The following PPME1 variants were observed in gnomAD, a reference collection of about 807,000 sequenced individuals.
PPME1 encodes protein phosphatase methylesterase 1.
A neutral mutation model predicts 56.9 loss-of-function variants in PPME1; 17 were observed. The ratio of observed to expected loss-of-function variants is 0.30; its 90% CI spans 0.20 to 0.45. The LOEUF (loss-of-function observed/expected upper bound fraction) is 0.45, where lower values mean the gene tolerates loss of function less well. Ranked by LOEUF, PPME1 falls within the 20% of genes least tolerant of loss-of-function variation. The pLI, the probability that PPME1 is intolerant of heterozygous loss-of-function variation, is 1.00. For missense variants in PPME1, 357 were observed against 483.2 expected, an observed-to-expected ratio of 0.74 and a Z score of 2.45; for synonymous variants, 122 against 156.2, an observed-to-expected ratio of 0.78 and a Z score of 1.63.
intron 12 of PPME1, 67 bp from the exon 13 acceptor site, chr11:74,251,581 C>T: frequency 1.3e-6 from 2 of 1,582,850 alleles, no homozygotes; most frequent in Non-Finnish European, 1.7e-6. Context: ...CTAACAGTAG[C>T]TCACAGCCCA....
intron 3 of PPME1, among the ~76,000 whole-genome samples, chr11:74,212,094 T>C (rs1313814455): frequency 1.3e-5 from 2 of 152,170 alleles, no homozygotes; most frequent in African/African-American, 4.8e-5. Flanking sequence ...AAAGAGACAC[T>C]GAAGAGGATA....
At chr11:74,208,585 CT>C (rs1360342728) in intron 3 of PPME1, among the ~76,000 whole-genome samples, 4 of 152,198 alleles carry the variant, frequency 2.6e-5, no homozygotes, top group African/African-American at 4.8e-5. Flanking sequence ...CTTAATTTAT[CT>C]GAATTTTAGA....
In PPME1 at chr11:74,247,253, C is replaced by T. The variant is rs896970639; in HGVS notation, c.1009+130C>T. 1.9e-5 allele frequency: 13 copies of T among 673,684 alleles called. No homozygotes were observed. The Admixed American group carries it at 2.1e-4, about 11-fold the overall frequency. 41.7% of individuals were successfully genotyped at this position (673,684 alleles called of 1,614,324 possible). A position where few individuals can be genotyped will look rare whatever the true frequency, so the allele number is the denominator to read the frequency against. The stretch of plus-strand genomic sequence containing the variant: ...TAGAGTCCGACCCAAGTTGGACATC[C>T]GCCTCTACTCCTAACACACTATATG... On this transcript the variant is annotated intron_variant, in intron 11 of 13. Transcript: ENST00000328257.
At position 74,197,268 on chromosome 11, in the gene PPME1, C is replaced by T. The variant is rs1407774718; in HGVS notation, c.102-6460C>T. Among the ~76,000 whole-genome samples the T allele has an allele frequency of 2.0e-5, 3 of 152,286 alleles. No homozygotes were observed. The East Asian group carries it at 5.8e-4, about 29-fold the overall frequency. On this transcript the variant is annotated intron_variant, in intron 1 of 13. Coordinates refer to ENST00000328257, the MANE Select transcript of PPME1 (RefSeq NM_016147.3). ...GAAACCCAGCTAAGTGCTTTATGCACATTAATTCACTTCAGACTGTCAACA... is the reference window on the plus strand; with the variant it reads ...GAAACCCAGCTAAGTGCTTTATGCATATTAATTCACTTCAGACTGTCAACA...
At chr11:74,224,230 G>GT (rs1328812452) in intron 4 of PPME1, among the ~76,000 whole-genome samples, 64 of 148,608 alleles carry the variant, frequency 4.3e-4, no homozygotes, top group Non-Finnish European at 6.9e-4. Context: ...TTTTTCTCAG[G>GT]TTTGTCAAAG....
chr11:74,196,717 TC>T (rs1292989563), intron 1 of PPME1, among the ~76,000 whole-genome samples: 2 of 152,192 alleles, frequency 1.3e-5, no homozygotes, highest in African/African-American at 2.4e-5. Flanking sequence ...GAGGAACATA[TC>T]CACTCTAAGT....
intron 1 of PPME1, among the ~76,000 whole-genome samples, chr11:74,185,986 A>T (rs1857670606): frequency 6.6e-6 from 1 of 152,200 alleles, no homozygotes; most frequent in Non-Finnish European, 1.5e-5. Flanking sequence ...ATTGGGCTGT[A>T]CGTGTCCTGT....
chr11:74,228,874 G>A (rs1394130381), intron 5 of PPME1, among the ~76,000 whole-genome samples: 1 of 152,082 alleles, frequency 6.6e-6, no homozygotes, highest in Non-Finnish European at 1.5e-5. Context: ...AGAGAATTTT[G>A]TGTTACTATA....
chr11:74,206,966 A>G (rs1858344743), intron 3 of PPME1, among the ~76,000 whole-genome samples: 1 of 152,164 alleles, frequency 6.6e-6, no homozygotes, highest in Non-Finnish European at 1.5e-5. Flanking sequence ...TTTTTCTGTA[A>G]TACTATGAGA....
Position 74,219,412 on chromosome 11 carries a change from G to C in PPME1, c.289-2900G>C, listed in dbSNP as rs191232164. Reference sequence around the variant, plus strand: ...CTACTATGTATATAGCCAAAGGAAAGGAAATCAGTACATCGAAGAGATATT... The same window carrying C: ...CTACTATGTATATAGCCAAAGGAAACGAAATCAGTACATCGAAGAGATATT... On this transcript the variant is annotated intron_variant, in intron 3 of 13. Coordinates refer to ENST00000328257, the MANE Select transcript of PPME1 (RefSeq NM_016147.3). Among the ~76,000 whole-genome samples, 10 of 151,704 alleles carry C rather than the reference G, an allele frequency of 6.6e-5. No homozygotes were observed. The East Asian group carries it at 1.9e-3, about 29-fold the overall frequency.
intron 1 of PPME1, among the ~76,000 whole-genome samples, chr11:74,175,278 G>A (rs1857375369): frequency 1.3e-5 from 2 of 152,140 alleles, no homozygotes; most frequent in South Asian, 4.1e-4. Context: ...CGAGGCGGGT[G>A]GATCACCTGA....
chr11:74,186,332 T>C (rs984590481), intron 1 of PPME1, among the ~76,000 whole-genome samples: 2 of 152,170 alleles, frequency 1.3e-5, no homozygotes, highest in Non-Finnish European at 2.9e-5. Context: ...TTACTATCCC[T>C]ACAGCAGGAA....
At chr11:74,188,994 T>C (rs980490174) in intron 1 of PPME1, among the ~76,000 whole-genome samples, 7 of 152,238 alleles carry the variant, frequency 4.6e-5, no homozygotes, top group African/African-American at 1.4e-4. Flanking sequence ...AGTATAGCTT[T>C]TTTGTTTGTA....
chr11:74,230,120 A>C lies in PPME1; in HGVS notation c.399-125A>C. The C allele has an allele frequency of 9.8e-7, 1 of 1,020,660 alleles. No individual in the cohort carries two copies. Among genetic ancestry groups the C allele is most frequent in the Non-Finnish European group, 1.4e-6 (1 of 701,756 alleles). 63.2% of individuals were successfully genotyped at this position (1,020,660 alleles called of 1,614,324 possible). On this transcript the variant is annotated intron_variant, in intron 5 of 13. Coordinates refer to ENST00000328257, the MANE Select transcript of PPME1 (RefSeq NM_016147.3). The surrounding 1 kb of genome is among the most constrained non-coding windows in gnomAD (Gnocchi z 4.9). The stretch of plus-strand genomic sequence containing the variant: ...AGGTTTACATAGGTATGTTTGTAAG[A>C]TGGCCCAATAGACTTTTACAGTTTC...
At position 74,177,491 on chromosome 11, in the gene PPME1, C is replaced by A. The variant is rs151337666; in HGVS notation, c.101+5969C>A. ...TCTTCTTTCTCACTGATTAAAATGA[C>A]ACCTTTGTCATATGCCAAATTTCTA... On this transcript the variant is annotated intron_variant, in intron 1 of 13. Coordinates refer to ENST00000328257, the MANE Select transcript of PPME1 (RefSeq NM_016147.3). 3.1e-3 allele frequency among the ~76,000 whole-genome samples: 472 copies of A among 151,254 alleles called. 1 individual carries two copies. The highest frequency in any genetic ancestry group is 0.011 in the African/African-American group (451 of 41,250).
At chr11:74,192,750 C>G (rs527427980) in intron 1 of PPME1, among the ~76,000 whole-genome samples, 2 of 152,228 alleles carry the variant, frequency 1.3e-5, no homozygotes, top group South Asian at 4.1e-4. Flanking sequence ...CCTCCCCCTT[C>G]TCTTGCTTCT....
intron 1 of PPME1, among the ~76,000 whole-genome samples, chr11:74,185,202 G>A (rs978678583): frequency 6.6e-6 from 1 of 151,886 alleles, no homozygotes; most frequent in Non-Finnish European, 1.5e-5. Context: ...GTTTCACCAT[G>A]TTGGTCAGGC....
Position 74,204,325 on chromosome 11 carries a change from T to C in PPME1, c.196-28T>C, listed in dbSNP as rs147334882. 13,252 of 1,557,150 alleles carry C rather than the reference T, an allele frequency of 8.5e-3. 79 individuals carry two copies. Among genetic ancestry groups the C allele is most frequent in the Non-Finnish European group, 0.011 (12,283 of 1,132,778 alleles). The stretch of plus-strand genomic sequence containing the variant: ...TGAAAAACTTTAGTGAGCAAAAACA[T>C]AGATGTTTTATCTTTAACTATTCAT... On this transcript the variant is annotated intron_variant, in intron 2 of 13. Transcript: ENST00000328257.
At chr11:74,199,369 C>T (rs956792197) in intron 1 of PPME1, among the ~76,000 whole-genome samples, 7 of 152,194 alleles carry the variant, frequency 4.6e-5, no homozygotes, top group African/African-American at 1.7e-4. Flanking sequence ...CATTGTCTCT[C>T]TAGTTTTATA....
Sources: allele counts gnomAD v4.1 joint callset (sites outside exome capture counted in the v4.1 genomes callset), GRCh38; gene constraint gnomAD v4.1.1; non-coding constraint Gnocchi (gnomAD v3.1); transcripts MANE v1.5; gene names NCBI Gene and HGNC (gene_info 2026-07-23, HGNC 2026-07-21).